The following PC variants were observed in gnomAD, a reference collection of about 807,000 sequenced individuals.
The protein encoded by PC is pyruvate carboxylase, mitochondrial.
In PC, 46 loss-of-function variants were observed where a neutral mutation model predicts 107.8. That is an observed-to-expected ratio of 0.43 (90% CI 0.34 to 0.55). The LOEUF (loss-of-function observed/expected upper bound fraction) is 0.55. Ranked by LOEUF, PC falls within the 20% of genes least tolerant of loss-of-function variation. PC has a pLI of 0.04. For synonymous variants in PC, 662 were observed against 684.7 expected (o/e 0.97, Z 0.52); for missense variants, 1,241 against 1,643.1 (o/e 0.76, Z 4.23).
rs765499560 is a variant in PC at position 66,852,826 on chromosome 11, C to T, written c.1524G>A (p.Met508Ile). The T allele has an allele frequency of 1.1e-5, 17 of 1,571,178 alleles. No individual in the cohort carries two copies. Among genetic ancestry groups the T allele is most frequent in the Non-Finnish European group, 1.4e-5 (16 of 1,154,968 alleles). Residue 508 changes from methionine (M) to isoleucine (I), a missense_variant, in exon 14 of 23, where the codon ATG (methionine) becomes ATA (isoleucine). Transcript: ENST00000393960. The surrounding 1 kb of genome is among the most constrained non-coding windows in gnomAD (Gnocchi z 4.7). ...GAATCGGGGTGGTTGGACCGTTTAC[C>T]ATGACATGGCCTGGGGAGAAAGCGG... is the stretch of plus-strand genomic sequence containing the variant. ...QKLLHYLGHV[M>I]VNGPTTPIPV...
chr11:66,903,769 A>ATAT (rs1229329589), intron 3 of PC, among the ~76,000 whole-genome samples: 77 of 86,756 alleles, frequency 8.9e-4, no homozygotes, highest in South Asian at 3.2e-3. Context: ...AAAAAAAAAA[A>ATAT]AAAAATATAT....
At chr11:66,917,150 C>A (rs1948481541) in intron 3 of PC, among the ~76,000 whole-genome samples, 1 of 151,918 alleles carries the variant, frequency 6.6e-6, no homozygotes, top group Non-Finnish European at 1.5e-5. Context: ...CAGCTCACTG[C>A]AACCTCAGCC....
intron 3 of PC, among the ~76,000 whole-genome samples, chr11:66,899,160 G>A (rs922425392): frequency 5.9e-5 from 9 of 152,146 alleles, no homozygotes; most frequent in African/African-American, 1.4e-4. Context: ...GTGAGCCACC[G>A]TGCCCAGCCA....
chr11:66,915,901 C>G (rs749521372), intron 3 of PC, among the ~76,000 whole-genome samples: 32 of 152,334 alleles, frequency 2.1e-4, no homozygotes, highest in Middle Eastern at 6.8e-3. Context: ...GCCACTGCCT[C>G]TTTCGGCACT....
At chr11:66,945,406 A>C (rs1949257732) in intron 3 of PC, among the ~76,000 whole-genome samples, 1 of 50,324 alleles carries the variant, frequency 2.0e-5, no homozygotes, top group African/African-American at 7.4e-5. Context: ...GATTAACTGA[A>C]TTCAAATGGT....
chr11:66,870,778 A>G lies in PC; in HGVS notation c.748T>C (p.Leu250=), dbSNP rs1413855759. 1 of 1,612,146 alleles carries G rather than the reference A, an allele frequency of 6.2e-7. No individual in the cohort carries two copies. Among genetic ancestry groups the G allele is most frequent in the Non-Finnish European group, 8.5e-7 (1 of 1,179,752 alleles). ...EKPRHIEVQI[L]GDQYGNILHL... ...GCGGGGCGTCAGGACCACTCACCCA[A>G]GATCTGCACCTCGATGTGCCGTGGC... The change falls in exon 8 of 23, where the codon TTG becomes CTG. Residue 250 remains leucine (L), a synonymous_variant. Coordinates refer to ENST00000393960, the MANE Select transcript of PC (RefSeq NM_001040716.2). This position sits in a 1 kb window ranked among gnomAD's most constrained non-coding sequence, Gnocchi z 6.1.
chr11:66,910,061 C>A (rs1300943916), intron 3 of PC, among the ~76,000 whole-genome samples: 1 of 152,168 alleles, frequency 6.6e-6, no homozygotes, highest in Non-Finnish European at 1.5e-5. Context: ...CTGAAACCAA[C>A]AATTATGACG....
chr11:66,915,657 C>CTCCA (rs1346758362), intron 3 of PC, among the ~76,000 whole-genome samples: 1 of 152,212 alleles, frequency 6.6e-6, no homozygotes, highest in African/African-American at 2.4e-5. Context: ...TACCAGGGCC[C>CTCCA]TGCCCGCAGG....
At position 66,871,904 on chromosome 11, in the gene PC, T is replaced by C; in HGVS notation, c.137-33A>G. On this transcript the variant is annotated intron_variant, in intron 4 of 22. Coordinates refer to ENST00000393960, the MANE Select transcript of PC (RefSeq NM_001040716.2). This position sits in a 1 kb window ranked among gnomAD's most constrained non-coding sequence, Gnocchi z 7.4. ...GCAAAGAAACAAGAAGTTAGATTCCTAGGTCCTAGGAGAAGCAGAAAGGGG... is the reference window on the plus strand; with the variant it reads ...GCAAAGAAACAAGAAGTTAGATTCCCAGGTCCTAGGAGAAGCAGAAAGGGG... 5.0e-6 allele frequency: 8 copies of C among 1,597,944 alleles called. No individual in the cohort carries two copies. Among genetic ancestry groups the C allele is most frequent in the Non-Finnish European group, 6.8e-6 (8 of 1,174,768 alleles).
chr11:66,896,402 C>T (rs1417351900), intron 3 of PC, among the ~76,000 whole-genome samples: 1 of 152,192 alleles, frequency 6.6e-6, no homozygotes, highest in Non-Finnish European at 1.5e-5. Context: ...CTCTATCCAG[C>T]TAAACTATCA....
intron 12 of PC, chr11:66,859,854 G>C: frequency 6.4e-7 from 1 of 1,565,062 alleles, no homozygotes; most frequent in Non-Finnish European, 8.7e-7. Flanking sequence ...CGTGGCCGTG[G>C]GGGGTGTGCT....
At chr11:66,920,066 G>T (rs1948557574) in intron 3 of PC, among the ~76,000 whole-genome samples, 1 of 152,158 alleles carries the variant, frequency 6.6e-6, no homozygotes, top group Non-Finnish European at 1.5e-5. Flanking sequence ...GAACAAGGCT[G>T]GCTCATTCTG....
intron 3 of PC, among the ~76,000 whole-genome samples, chr11:66,941,203 G>A (rs958985358): frequency 1.2e-4 from 18 of 152,008 alleles, no homozygotes; most frequent in African/African-American, 4.1e-4. Flanking sequence ...ACAAAGTGTT[G>A]GTGAGGATGT....
At chr11:66,932,936 G>A (rs1356094737) in intron 3 of PC, among the ~76,000 whole-genome samples, 1 of 152,118 alleles carries the variant, frequency 6.6e-6, no homozygotes, top group East Asian at 1.9e-4. Context: ...AGAAACAAGT[G>A]TTCTTAATTC....
intron 3 of PC, among the ~76,000 whole-genome samples, chr11:66,881,677 C>A (rs1245114983): frequency 6.6e-6 from 1 of 152,256 alleles, no homozygotes; most frequent in East Asian, 1.9e-4. Context: ...CAGAGCCTTG[C>A]TCCTTGCCAG....
At position 66,870,664 on chromosome 11, in the gene PC, G is replaced by A. The variant is rs550509946; in HGVS notation, c.751+111C>T. ...ACTTTCCAGAGTCCTCTGGAAAAGCGCCCGACAGGCCCCAGGGCTGTCCCC... is the reference window on the plus strand; with the variant it reads ...ACTTTCCAGAGTCCTCTGGAAAAGCACCCGACAGGCCCCAGGGCTGTCCCC... On this transcript the variant is annotated intron_variant, in intron 8 of 22. Coordinates refer to ENST00000393960, the MANE Select transcript of PC (RefSeq NM_001040716.2). This position sits in a 1 kb window ranked among gnomAD's most constrained non-coding sequence, Gnocchi z 6.1. 1.3e-5 allele frequency: 16 copies of A among 1,228,706 alleles called. No individual in the cohort carries two copies. The highest frequency in any genetic ancestry group is 9.3e-5 in the East Asian group (4 of 43,074). 76.1% of individuals were successfully genotyped at this position (1,228,706 alleles called of 1,614,324 possible). A position where few individuals can be genotyped will look rare whatever the true frequency, so the allele number is the denominator to read the frequency against.
Position 66,858,323 on chromosome 11 carries a change from T to C in PC, c.1369-4940A>G, listed in dbSNP as rs1260140859. 1 of 1,607,822 alleles carries C rather than the reference T, an allele frequency of 6.2e-7. No homozygotes were observed. The highest frequency in any genetic ancestry group is 1.1e-5 in the South Asian group (1 of 90,928). ...CCCCAGGCGCCTTCGCCCAGCTCGG[T>C]CAGCTCTCCCGCCTGGACCTCACCT... On this transcript the variant is annotated intron_variant, in intron 12 of 22. Coordinates refer to ENST00000393960, the MANE Select transcript of PC (RefSeq NM_001040716.2). This position sits in a 1 kb window ranked among gnomAD's most constrained non-coding sequence, Gnocchi z 5.9.
At chr11:66,937,000 G>A (rs1191043426) in intron 3 of PC, among the ~76,000 whole-genome samples, 2 of 151,966 alleles carry the variant, frequency 1.3e-5, no homozygotes, top group Non-Finnish European at 2.9e-5. Context: ...GCACCACCAC[G>A]CCTGGCTAAT....
chr11:66,851,544 C>T (rs964044200), intron 16 of PC, among the ~76,000 whole-genome samples: 1 of 152,168 alleles, frequency 6.6e-6, no homozygotes, highest in East Asian at 1.9e-4. Context: ...CAGCCCTGCA[C>T]CGAGTGACCC....
Sources: allele counts gnomAD v4.1 joint callset (sites outside exome capture counted in the v4.1 genomes callset), GRCh38; gene constraint gnomAD v4.1.1; non-coding constraint Gnocchi (gnomAD v3.1); transcripts MANE v1.5; gene names NCBI Gene and HGNC (gene_info 2026-07-23, HGNC 2026-07-21).